Variants in DEFB131A observed in about 807,000 individuals in gnomAD.
DEFB131A encodes beta-defensin 131A.
DEFB131A carries 5 observed loss-of-function variants against 2.4 expected under a neutral mutation model. The observed-to-expected ratio is 2.12, with a 90% CI of 1.11 to 4.47. The LOEUF (loss-of-function observed/expected upper bound fraction) is 4.47, where lower values mean the gene tolerates loss of function less well. Ranked by LOEUF, DEFB131A falls within the 30% of genes most tolerant of loss-of-function variation. The probability of loss-of-function intolerance (pLI) is 0.00; values close to 1 mark genes in which losing one functional copy is unlikely to be tolerated. For missense variants in DEFB131A, 120 were observed against 79.9 expected (o/e 1.50, Z -1.91); for synonymous variants, 34 against 25.7 (o/e 1.32, Z -0.97).
chr4:9,448,020 G>T (rs1717547330), intron 1 of DEFB131A, among the ~76,000 whole-genome samples: 1 of 152,006 alleles, frequency 6.6e-6, no homozygotes, highest in South Asian at 2.1e-4. Flanking sequence ...AGGAACAGAA[G>T]AAATATTTGA....
At chr4:9,450,006 C>T (rs1717614020) in intron 1 of DEFB131A, among the ~76,000 whole-genome samples, 1 of 152,152 alleles carries the variant, frequency 6.6e-6, no homozygotes, top group South Asian at 2.1e-4. Context: ...ATTACATCCC[C>T]AATGACTTTC....
At chr4:9,444,947 G>A (rs1375221514) in intron 1 of DEFB131A, among the ~76,000 whole-genome samples, 2 of 151,730 alleles carry the variant, frequency 1.3e-5, no homozygotes, top group African/African-American at 4.8e-5. Flanking sequence ...ATCAGGTATA[G>A]TGGCGCGTGT....
At position 9,450,465 on chromosome 4, in the gene DEFB131A, T is replaced by A. The variant is rs1560129677; in HGVS notation, c.164T>A (p.Ile55Asn). The A allele has an allele frequency of 6.2e-7, 1 of 1,610,894 alleles. No individual in the cohort carries two copies. The highest frequency in any genetic ancestry group is 1.3e-5 in the African/African-American group (1 of 74,868). Reference sequence around the variant, plus strand: ...ATTAGATACTGTGCTGACTTCAGCATCTGCTGCAAACTGAAGATCATTGAA... The same window carrying A: ...ATTAGATACTGTGCTGACTTCAGCAACTGCTGCAAACTGAAGATCATTGAA... ...HAIRYCADFS[I>N]CCKLKIIEID... The change falls in exon 2 of 2, where the codon ATC becomes AAC. Residue 55 changes from isoleucine to asparagine, a missense_variant. Physicochemically the swap from Ile to Asn is moderately radical, Grantham distance 149. Transcript: ENST00000334879.
At chr4:9,445,392 T>C (rs899075303) in intron 1 of DEFB131A, among the ~76,000 whole-genome samples, 2 of 152,146 alleles carry the variant, frequency 1.3e-5, no homozygotes, top group African/African-American at 2.4e-5. Flanking sequence ...TCCACCTTAA[T>C]TTTTAACCAC....
intron 1 of DEFB131A, among the ~76,000 whole-genome samples, chr4:9,445,584 C>G (rs552576340): frequency 1.3e-5 from 2 of 151,372 alleles, no homozygotes; most frequent in African/African-American, 2.4e-5. Flanking sequence ...CTTAACAATT[C>G]AAGATTCCCT....
rs370926721 is a variant in DEFB131A at position 9,450,379 on chromosome 4, T to A, written c.78T>A (p.Asn26Lys). 25 of 1,572,890 alleles carry A rather than the reference T, an allele frequency of 1.6e-5. No individual in the cohort carries two copies. The African/African-American group carries it at 3.0e-4, about 19-fold the overall frequency. ...TVPPARSFIS[N>K]DECPSEYYHC... ...TTAAAGCCAGAAGCTTCATTTCTAA[T>A]GATGAATGTCCTTCAGAATATTATC... The change falls in exon 2 of 2, where the codon AAT (asparagine) becomes AAA (lysine). Residue 26 changes from asparagine (N) to lysine (K), a missense_variant. Asn to Lys is a moderately conservative substitution (Grantham distance 94, BLOSUM62 0). Transcript: ENST00000334879.
At chr4:9,449,004 G>A (rs1699663140) in intron 1 of DEFB131A, among the ~76,000 whole-genome samples, 1 of 151,898 alleles carries the variant, frequency 6.6e-6, no homozygotes, top group African/African-American at 2.4e-5. Flanking sequence ...TTGCAGGATA[G>A]AAAATCAACA....
intron 1 of DEFB131A, among the ~76,000 whole-genome samples, chr4:9,449,000 G>T (rs1301969012): frequency 2.1e-4 from 32 of 151,866 alleles, no homozygotes; most frequent in Non-Finnish European, 4.0e-4. Flanking sequence ...AAAGTTGCAG[G>T]ATAGAAAATC....
At chr4:9,447,037 A>T (rs1577079708) in intron 1 of DEFB131A, among the ~76,000 whole-genome samples, 1 of 152,192 alleles carries the variant, frequency 6.6e-6, no homozygotes, top group East Asian at 1.9e-4. Context: ...GTTCTATGTG[A>T]TGAGGAGAAG....
rs1280208428 is a variant in DEFB131A, at chr4:9,444,572, G to C, written c.39G>C (p.Leu13Phe). The part of the protein sequence containing the change: ...VLFFVFGVLS[L>F]MFTVPPARSF... The stretch of plus-strand genomic sequence containing the variant: ...TTTTTGTCTTTGGAGTCCTTTCCTT[G>C]ATGTTCACAGTTCCTCCAGGTAAGA... Residue 13 changes from leucine to phenylalanine, a missense_variant, in exon 1 of 2, where the codon TTG becomes TTC. Leu to Phe is a conservative substitution (Grantham distance 22, BLOSUM62 0). Coordinates refer to ENST00000334879, the MANE Select transcript of DEFB131A (RefSeq NM_001040448.3). The C allele has an allele frequency of 1.2e-5, 20 of 1,609,816 alleles. No homozygotes were observed. Among genetic ancestry groups the C allele is most frequent in the Non-Finnish European group, 1.5e-5 (18 of 1,179,248 alleles).
At chr4:9,446,492 G>A (rs180867227) in intron 1 of DEFB131A, among the ~76,000 whole-genome samples, 2 of 151,908 alleles carry the variant, frequency 1.3e-5, no homozygotes, top group Non-Finnish European at 2.9e-5. Flanking sequence ...TTTGTTCTTG[G>A]TTAGTCTAGC....
chr4:9,445,813 G>C (rs764174300), intron 1 of DEFB131A, among the ~76,000 whole-genome samples: 1 of 151,990 alleles, frequency 6.6e-6, no homozygotes, highest in Non-Finnish European at 1.5e-5. Context: ...GTTTATAACC[G>C]CAAGAAGAAA....
intron 1 of DEFB131A, among the ~76,000 whole-genome samples, chr4:9,445,732 T>C (rs1283253247): frequency 1.3e-5 from 2 of 152,106 alleles, no homozygotes; most frequent in Non-Finnish European, 2.9e-5. Context: ...TGCCTTAAAG[T>C]GTTCTATTCA....
intron 1 of DEFB131A, among the ~76,000 whole-genome samples, chr4:9,445,129 CA>C (rs1467855877): frequency 6.6e-6 from 1 of 151,864 alleles, no homozygotes; most frequent in African/African-American, 2.4e-5. Flanking sequence ...TATGTTTGAT[CA>C]AAAGATGGTG....
chr4:9,446,517 G>A (rs1382129750), intron 1 of DEFB131A, among the ~76,000 whole-genome samples: 1 of 151,970 alleles, frequency 6.6e-6, no homozygotes, highest in African/African-American at 2.4e-5. Flanking sequence ...AGTTTATAAA[G>A]TCTGTTTATC....
intron 1 of DEFB131A, among the ~76,000 whole-genome samples, chr4:9,447,763 A>G (rs1319394265): frequency 2.0e-5 from 3 of 152,084 alleles, no homozygotes; most frequent in African/African-American, 7.2e-5. Flanking sequence ...ACATTCTGAG[A>G]TACTAAAGAT....
At chr4:9,448,061 G>T (rs1273960164) in intron 1 of DEFB131A, among the ~76,000 whole-genome samples, 1 of 151,058 alleles carries the variant, frequency 6.6e-6, no homozygotes, top group Non-Finnish European at 1.5e-5. Context: ...TCCCGAAATT[G>T]AAAATAAGCA....
At chr4:9,445,218 AG>A (rs1296485743) in intron 1 of DEFB131A, among the ~76,000 whole-genome samples, 4 of 152,192 alleles carry the variant, frequency 2.6e-5, no homozygotes, top group Non-Finnish European at 5.9e-5. Context: ...GAAGGGCTAG[AG>A]GTGAAGAGGT....
chr4:9,449,356 A>G (rs1717592250), intron 1 of DEFB131A, among the ~76,000 whole-genome samples: 1 of 96,582 alleles, frequency 1.0e-5, no homozygotes, highest in South Asian at 3.5e-4. Flanking sequence ...CATATAGGCC[A>G]CTGGAAGAGA....
Sources: gnomAD v4.1 joint callset for allele counts (sites outside exome capture counted in the v4.1 genomes callset) on GRCh38, gnomAD v4.1.1 for gene constraint, MANE v1.5 for transcripts, NCBI Gene and HGNC (gene_info 2026-07-23, HGNC 2026-07-21) for gene names.